The following SLIT3 variants were observed in gnomAD, a reference collection of about 807,000 sequenced individuals.
SLIT3 encodes slit guidance ligand 3.
SLIT3 carries 68 observed loss-of-function variants against 184.0 expected under a neutral mutation model. That is an observed-to-expected ratio of 0.37 (90% CI 0.30 to 0.45). The LOEUF (loss-of-function observed/expected upper bound fraction) is 0.45, where lower values mean the gene tolerates loss of function less well. Ranked by LOEUF, SLIT3 falls within the 20% of genes least tolerant of loss-of-function variation. The probability of loss-of-function intolerance (pLI) is 1.00; values close to 1 mark genes in which losing one functional copy is unlikely to be tolerated. For synonymous variants in SLIT3, 831 were observed against 828.6 expected, an observed-to-expected ratio of 1.00 and a Z score of -0.05; for missense variants, 1,707 against 2,026.0, an observed-to-expected ratio of 0.84 and a Z score of 3.02.
At chr5:169,208,828 G>C (rs574839318) in intron 3 of SLIT3, among the ~76,000 whole-genome samples, 1 of 152,174 alleles carries the variant, frequency 6.6e-6, no homozygotes, top group African/African-American at 2.4e-5. Context: ...AGACTTAAGT[G>C]TTAGCCCTAA....
intron 4 of SLIT3, among the ~76,000 whole-genome samples, chr5:168,967,541 G>A (rs976433209): frequency 8.1e-6 from 1 of 123,768 alleles, no homozygotes; most frequent in African/African-American, 2.9e-5. Context: ...CCGGGTTCAC[G>A]CCATTCTCCT....
chr5:169,295,787 G>T (rs1001829922), intron 1 of SLIT3, among the ~76,000 whole-genome samples: 2 of 152,060 alleles, frequency 1.3e-5, no homozygotes, highest in African/African-American at 2.4e-5. Context: ...AATCAAAACG[G>T]CAAAAATGCA....
At chr5:169,008,654 G>A (rs1561604000) in intron 4 of SLIT3, among the ~76,000 whole-genome samples, 1 of 151,454 alleles carries the variant, frequency 6.6e-6, no homozygotes, top group Non-Finnish European at 1.5e-5. Context: ...TGCTGCTGTT[G>A]TTGTTTTTTT....
intron 3 of SLIT3, among the ~76,000 whole-genome samples, chr5:169,207,370 T>TACATACACACACACACAC (rs1262446357): frequency 7.6e-6 from 1 of 131,866 alleles, no homozygotes; most frequent in African/African-American, 2.9e-5. Context: ...TACACATACA[T>TACATACACACACACACAC]ACACACACAC....
chr5:168,866,481 A>G (rs1410950201), intron 5 of SLIT3, among the ~76,000 whole-genome samples: 1 of 152,240 alleles, frequency 6.6e-6, no homozygotes, highest in African/African-American at 2.4e-5. Flanking sequence ...AATGTGAGCC[A>G]CAACCATCAC....
At chr5:168,976,722 T>A (rs999861066) in intron 4 of SLIT3, among the ~76,000 whole-genome samples, 2 of 152,356 alleles carry the variant, frequency 1.3e-5, no homozygotes, top group African/African-American at 4.8e-5. Context: ...GTTTCAATTA[T>A]TAATTCCATG....
At chr5:169,202,041 G>A (rs1763918491) in intron 3 of SLIT3, among the ~76,000 whole-genome samples, 1 of 152,016 alleles carries the variant, frequency 6.6e-6, no homozygotes. Flanking sequence ...AGAGCAGCCT[G>A]GGAAATATAG....
chr5:168,701,320 C>A (rs188525207), intron 26 of SLIT3, among the ~76,000 whole-genome samples: 3 of 152,318 alleles, frequency 2.0e-5, no homozygotes, highest in Admixed American at 2.0e-4. Flanking sequence ...AAAGTGACAA[C>A]CCCAGAGAAC....
chr5:169,060,508 A>C (rs1390411472), intron 4 of SLIT3, among the ~76,000 whole-genome samples: 1 of 152,250 alleles, frequency 6.6e-6, no homozygotes, highest in Non-Finnish European at 1.5e-5. Flanking sequence ...TCACTCAGGT[A>C]ACCTGCACAG....
Position 168,961,521 on chromosome 5 carries a change from T to A in SLIT3, c.414-78185A>T, listed in dbSNP as rs12652511. Among the ~76,000 whole-genome samples, 1,573 of 152,184 alleles carry A rather than the reference T, an allele frequency of 0.01. 65 individuals carry two copies. In the East Asian group the frequency reaches 0.14, roughly 13 times the overall value. On this transcript the variant is annotated intron_variant, in intron 4 of 35. Transcript: ENST00000519560. ...AAATAATATAAAACTATAATAGCAA[T>A]AAGTACGTTGAAGACAAAATGTGAG...
intron 4 of SLIT3, among the ~76,000 whole-genome samples, chr5:169,033,426 G>C (rs976699527): frequency 1.3e-5 from 2 of 152,192 alleles, no homozygotes; most frequent in Non-Finnish European, 2.9e-5. Flanking sequence ...TCTTTATGAG[G>C]CGGTGATTTC....
chr5:168,705,529 ATCACCATCATCACCT>A (rs1203419864), intron 26 of SLIT3, among the ~76,000 whole-genome samples: 1 of 152,034 alleles, frequency 6.6e-6, no homozygotes, highest in Non-Finnish European at 1.5e-5. Flanking sequence ...CACCGATACC[ATCACCATCATCACCT>A]TCACCATCAT....
intron 6 of SLIT3, among the ~76,000 whole-genome samples, chr5:168,832,373 A>C (rs1167514477): frequency 6.6e-6 from 1 of 152,240 alleles, no homozygotes; most frequent in South Asian, 2.1e-4. Flanking sequence ...AATATCCATG[A>C]ATGTGTATAC....
intron 4 of SLIT3, among the ~76,000 whole-genome samples, chr5:168,899,163 A>G (rs1173597022): frequency 6.6e-6 from 1 of 152,178 alleles, no homozygotes; most frequent in Non-Finnish European, 1.5e-5. Context: ...GATAACCACA[A>G]TTGTATTCCC....
At chr5:169,005,348 G>A (rs944417082) in intron 4 of SLIT3, among the ~76,000 whole-genome samples, 26 of 152,324 alleles carry the variant, frequency 1.7e-4, no homozygotes, top group African/African-American at 4.1e-4. Flanking sequence ...TTCAGTTTTT[G>A]TAAAACAGAG....
chr5:168,823,253 T>C lies in SLIT3; in HGVS notation c.629+7A>G. On this transcript the variant is annotated splice_region_variant and intron_variant, in intron 7 of 35. Transcript: ENST00000519560. ...AAATGGGAGAGATGCACAGACTTCT[T>C]ACTCACAGAGTTCGGATCTTCGGCA... 2 of 1,611,924 alleles carry C rather than the reference T, an allele frequency of 1.2e-6. No individual in the cohort carries two copies. Among genetic ancestry groups the C allele is most frequent in the Non-Finnish European group, 1.7e-6 (2 of 1,178,006 alleles).
chr5:168,784,747 G>A (rs2113572356), intron 12 of SLIT3, among the ~76,000 whole-genome samples: 1 of 152,254 alleles, frequency 6.6e-6, no homozygotes, highest in Admixed American at 6.5e-5. Flanking sequence ...CACCCCTTTA[G>A]AGCCCCAGCT....
chr5:169,179,591 C>T (rs1349580222), intron 4 of SLIT3, among the ~76,000 whole-genome samples: 1 of 152,042 alleles, frequency 6.6e-6, no homozygotes, highest in Non-Finnish European at 1.5e-5. Context: ...GTTTCTTTCT[C>T]TTTGGTGGGA....
intron 4 of SLIT3, among the ~76,000 whole-genome samples, chr5:169,009,283 T>A (rs1030181434): frequency 1.3e-5 from 2 of 152,210 alleles, no homozygotes; most frequent in Non-Finnish European, 2.9e-5. Context: ...GCTTCTCAGA[T>A]CCCACATAGC....
Sources: allele counts gnomAD v4.1 joint callset (sites outside exome capture counted in the v4.1 genomes callset), GRCh38; gene constraint gnomAD v4.1.1; transcripts MANE v1.5; gene names NCBI Gene and HGNC (gene_info 2026-07-23, HGNC 2026-07-21).